The following EPHA5 variants were observed in gnomAD, a reference collection of about 807,000 sequenced individuals.
EPHA5 encodes ephrin type-A receptor 5.
EPHA5 carries 60 observed loss-of-function variants against 105.0 expected under a neutral mutation model. The ratio of observed to expected loss-of-function variants is 0.57; its 90% CI spans 0.46 to 0.71. The LOEUF is 0.71. Ranked by LOEUF, EPHA5 falls within the 30% of genes least tolerant of loss-of-function variation. The probability of loss-of-function intolerance (pLI) is 0.00; values close to 1 mark genes in which losing one functional copy is unlikely to be tolerated. For synonymous variants in EPHA5, 513 were observed against 449.1 expected, an observed-to-expected ratio of 1.14 and a Z score of -1.80; for missense variants, 1,218 against 1,274.7, an observed-to-expected ratio of 0.96 and a Z score of 0.68.
intron 3 of EPHA5, among the ~76,000 whole-genome samples, chr4:65,554,085 A>G (rs1738174394): frequency 1.3e-5 from 2 of 151,586 alleles, no homozygotes; most frequent in African/African-American, 2.4e-5. Flanking sequence ...TGTTCATTTC[A>G]AAATGTACTA....
intron 5 of EPHA5, among the ~76,000 whole-genome samples, chr4:65,467,332 A>G (rs977919899): frequency 6.6e-5 from 10 of 152,176 alleles, no homozygotes; most frequent in African/African-American, 2.2e-4. Context: ...ACTGGCCCCA[A>G]TTCTCCACCC....
At chr4:65,415,320 T>C (rs1001388219) in intron 6 of EPHA5, among the ~76,000 whole-genome samples, 2 of 152,104 alleles carry the variant, frequency 1.3e-5, no homozygotes, top group Admixed American at 6.6e-5. Context: ...CTCACAGAGA[T>C]GTTGTAAAAA....
At chr4:65,342,793 G>A (rs558658624) in intron 14 of EPHA5, among the ~76,000 whole-genome samples, 13 of 151,764 alleles carry the variant, frequency 8.6e-5, no homozygotes, top group Non-Finnish European at 1.8e-4. Context: ...TGTATATCTG[G>A]CACATCAGAA....
chr4:65,548,143 T>C lies in EPHA5; in HGVS notation c.911-52600A>G, dbSNP rs138290310. Among the ~76,000 whole-genome samples, 3 of 147,694 alleles carry C rather than the reference T, an allele frequency of 2.0e-5. No homozygotes were observed. In the East Asian group the frequency reaches 5.9e-4, roughly 29 times the overall value. On this transcript the variant is annotated intron_variant, in intron 3 of 16. Transcript: ENST00000613740. ...GATCTCTATGACTATGATATTGGAGTTATCAAAATGGATATTAAATAACCA... is the reference window on the plus strand; with the variant it reads ...GATCTCTATGACTATGATATTGGAGCTATCAAAATGGATATTAAATAACCA...
rs1176783572 is a variant in EPHA5, at chr4:65,574,793, C to A, written c.910+26848G>T. On this transcript the variant is annotated intron_variant, in intron 3 of 16. Coordinates refer to ENST00000613740, the MANE Select transcript of EPHA5 (RefSeq NM_001281766.3). ...TTTCTCAGAGTATTGAATACTATGG[C>A]AGAATTGCTCTAGTGATACTGTTTT... 2.1e-5 allele frequency among the ~76,000 whole-genome samples: 3 copies of A among 146,288 alleles called. No homozygotes were observed. In the East Asian group the frequency reaches 5.9e-4, roughly 29 times the overall value.
chr4:65,636,899 C>T (rs962405209), intron 2 of EPHA5, among the ~76,000 whole-genome samples: 3 of 151,964 alleles, frequency 2.0e-5, no homozygotes, highest in Non-Finnish European at 4.4e-5. Flanking sequence ...TGCTGTAGCC[C>T]CAGTGCCTAG....
chr4:65,601,526 A>C lies in EPHA5; in HGVS notation c.910+115T>G, dbSNP rs896305932. On this transcript the variant is annotated intron_variant, in intron 3 of 16. Transcript: ENST00000613740. ...GAGAAAAATAAAACTTGAGAGAAAT[A>C]ATCTCCATAAATTAGCAAAGTAAAA... is the stretch of plus-strand genomic sequence containing the variant. 5.8e-6 allele frequency: 6 copies of C among 1,036,868 alleles called. No individual in the cohort carries two copies. In the African/African-American group the frequency reaches 8.0e-5, roughly 14 times the overall value. The allele number at this position is 1,036,868 out of a possible 1,614,324, so 64.2% of individuals were successfully genotyped here.
At chr4:65,568,725 T>C (rs1739815577) in intron 3 of EPHA5, among the ~76,000 whole-genome samples, 1 of 151,018 alleles carries the variant, frequency 6.6e-6, no homozygotes, top group Non-Finnish European at 1.5e-5. Flanking sequence ...AAATAGTTTA[T>C]ACACTTTTTC....
chr4:65,483,168 T>C (rs2149193835), intron 5 of EPHA5, among the ~76,000 whole-genome samples: 1 of 152,314 alleles, frequency 6.6e-6, no homozygotes, highest in South Asian at 2.1e-4. Flanking sequence ...GCTTCATCCA[T>C]GTCCCTACAA....
intron 8 of EPHA5, among the ~76,000 whole-genome samples, chr4:65,371,386 A>G (rs1027823470): frequency 1.3e-5 from 2 of 152,098 alleles, no homozygotes; most frequent in Non-Finnish European, 2.9e-5. Flanking sequence ...CTTATGGCTT[A>G]TTTAGAAATC....
intron 8 of EPHA5, among the ~76,000 whole-genome samples, chr4:65,394,428 T>C (rs1301750350): frequency 6.6e-6 from 1 of 152,202 alleles, no homozygotes; most frequent in Non-Finnish European, 1.5e-5. Context: ...CAACAGTTTA[T>C]GTTCTGGACA....
At chr4:65,426,672 A>G (rs970893816) in intron 5 of EPHA5, among the ~76,000 whole-genome samples, 5 of 152,138 alleles carry the variant, frequency 3.3e-5, no homozygotes, top group African/African-American at 1.2e-4. Flanking sequence ...TATATAGCAC[A>G]TGGTCCTACT....
At chr4:65,524,401 C>A (rs1304886055) in intron 3 of EPHA5, among the ~76,000 whole-genome samples, 1 of 151,698 alleles carries the variant, frequency 6.6e-6, no homozygotes, top group Non-Finnish European at 1.5e-5. Flanking sequence ...CTCTAACAAA[C>A]ACATTCTTAT....
chr4:65,371,727 T>C (rs529625091), intron 8 of EPHA5, among the ~76,000 whole-genome samples: 1 of 152,152 alleles, frequency 6.6e-6, no homozygotes, highest in East Asian at 1.9e-4. Flanking sequence ...AAACAGAGTG[T>C]AAATCCTTGC....
chr4:65,330,943 T>C (rs1577825747), intron 16 of EPHA5: 3 of 1,042,176 alleles, frequency 2.9e-6, no homozygotes, highest in Non-Finnish European at 3.5e-6. Context: ...TGACATTAAT[T>C]GGTGATAAAT....
At chr4:65,418,720 C>G (rs1560516279) in intron 6 of EPHA5, among the ~76,000 whole-genome samples, 1 of 151,912 alleles carries the variant, frequency 6.6e-6, no homozygotes, top group Non-Finnish European at 1.5e-5. Context: ...ATGTAGATAG[C>G]CTTTCTCCAT....
At chr4:65,370,221 A>G (rs981719596) in intron 8 of EPHA5, among the ~76,000 whole-genome samples, 2 of 152,148 alleles carry the variant, frequency 1.3e-5, no homozygotes, top group Non-Finnish European at 2.9e-5. Flanking sequence ...GAGGGAAGAA[A>G]CAAATACATT....
At chr4:65,384,731 T>A (rs1390302270) in intron 8 of EPHA5, among the ~76,000 whole-genome samples, 1 of 151,952 alleles carries the variant, frequency 6.6e-6, no homozygotes, top group Non-Finnish European at 1.5e-5. Context: ...GAAGAGATAA[T>A]CTTTACTAGT....
intron 3 of EPHA5, among the ~76,000 whole-genome samples, chr4:65,542,749 C>T (rs1736967519): frequency 7.7e-6 from 1 of 130,388 alleles, no homozygotes; most frequent in African/African-American, 2.9e-5. Context: ...GATACCAAAA[C>T]CTGGCAGAGA....
Sources: gnomAD v4.1 joint callset for allele counts (sites outside exome capture counted in the v4.1 genomes callset) on GRCh38, gnomAD v4.1.1 for gene constraint, MANE v1.5 for transcripts, NCBI Gene and HGNC (gene_info 2026-07-23, HGNC 2026-07-21) for gene names.